Variants in NLRP5 observed in about 807,000 individuals in gnomAD.
NLRP5 encodes the protein NACHT, LRR and PYD domains-containing protein 5.
Under a neutral mutation model 113.1 loss-of-function variants are expected in NLRP5, and 93 were observed. That is an observed-to-expected ratio of 0.82 (90% CI 0.70 to 0.98). The LOEUF (loss-of-function observed/expected upper bound fraction) is 0.98, where lower values mean the gene tolerates loss of function less well. Ranked by LOEUF, NLRP5 falls within the 50% of genes least tolerant of loss-of-function variation. The pLI, the probability that NLRP5 is intolerant of heterozygous loss-of-function variation, is 0.00. For missense variants in NLRP5, 1,808 were observed against 1,514.3 expected (o/e 1.19, Z -3.22); for synonymous variants, 751 against 600.7 (o/e 1.25, Z -3.66).
At chr19:56,042,797 T>C (rs1358133046) in intron 11 of NLRP5, among the ~76,000 whole-genome samples, 1 of 152,240 alleles carries the variant, frequency 6.6e-6, no homozygotes. Flanking sequence ...ATCATTCTTA[T>C]GCCTTTGTGT....
rs1480064197 is a variant in NLRP5 at position 56,048,976 on chromosome 19, T to TAA, written c.2958-1442_2958-1441insAA. On this transcript the variant is annotated intron_variant, in intron 11 of 14. Coordinates refer to ENST00000390649, the MANE Select transcript of NLRP5 (RefSeq NM_153447.4). Reference sequence around the variant, plus strand: ...TGACTTCAAGCTCTGATTTTTTTTTTTAATTTTTTTTTTTTTTTTTTTTGA... The same window carrying TAA: ...TGACTTCAAGCTCTGATTTTTTTTTTAATAATTTTTTTTTTTTTTTTTTTTGA... Among the ~76,000 whole-genome samples, 100 of 67,930 alleles carry TAA rather than the reference T, an allele frequency of 1.5e-3. 1 individual carries two copies. The highest frequency in any genetic ancestry group is 3.1e-3 in the East Asian group (10 of 3,266). The allele number at this position is 67,930 out of a possible 152,430, so 44.6% of individuals were successfully genotyped here.
chr19:56,043,200 T>G (rs935863764), intron 11 of NLRP5, among the ~76,000 whole-genome samples: 3 of 152,232 alleles, frequency 2.0e-5, no homozygotes, highest in African/African-American at 7.2e-5. Flanking sequence ...CCATAGCGGC[T>G]GTACTAGTTT....
intron 7 of NLRP5, among the ~76,000 whole-genome samples, chr19:56,031,596 A>C (rs1233024331): frequency 1.4e-5 from 2 of 144,182 alleles, no homozygotes; most frequent in African/African-American, 2.6e-5. Flanking sequence ...ATGCCACTGC[A>C]CTCCAGCCTG....
chr19:56,007,727 C>A (rs1981978379), intron 2 of NLRP5, among the ~76,000 whole-genome samples: 1 of 147,284 alleles, frequency 6.8e-6, no homozygotes, highest in Non-Finnish European at 1.5e-5. Flanking sequence ...TTGAGTGACC[C>A]AGAGGGGATT....
intron 3 of NLRP5, among the ~76,000 whole-genome samples, chr19:56,012,348 C>G (rs1982227348): frequency 6.6e-6 from 1 of 151,878 alleles, no homozygotes. Context: ...TGGGGTTTCA[C>G]CATGTTGGCC....
At position 56,032,714 on chromosome 19, in the gene NLRP5, A is replaced by G; in HGVS notation, c.2380A>G (p.Thr794Ala). The stretch of plus-strand genomic sequence containing the variant: ...GCTGGACCTGGGCAGCAGCATCCTG[A>G]CAGAGCGGGCCATGAAGACCCTGTG... The change falls in exon 8 of 15, where the codon ACA (threonine) becomes GCA (alanine). Residue 794 changes from threonine (T) to alanine (A), a missense_variant. Physicochemically the swap from Thr to Ala is moderately conservative, Grantham distance 58 (BLOSUM62 0). Transcript: ENST00000390649. 6.2e-7 allele frequency: 1 copy of G among 1,613,510 alleles called. No homozygotes were observed. The highest frequency in any genetic ancestry group is 8.5e-7 in the Non-Finnish European group (1 of 1,179,806).
chr19:56,035,522 A>G (rs1414249004), intron 9 of NLRP5, among the ~76,000 whole-genome samples: 6 of 152,254 alleles, frequency 3.9e-5, no homozygotes, highest in Admixed American at 3.3e-4. Flanking sequence ...GATTCAAAGA[A>G]TAAATAAGAT....
At chr19:56,022,821 T>A (rs1982668022) in intron 6 of NLRP5, among the ~76,000 whole-genome samples, 2 of 151,978 alleles carry the variant, frequency 1.3e-5, no homozygotes, top group Non-Finnish European at 2.9e-5. Flanking sequence ...GCCTCCCAGG[T>A]TCAAGCGATG....
intron 11 of NLRP5, 127 bp from the exon 12 acceptor site, chr19:56,050,291 A>AG: frequency 1.1e-6 from 1 of 872,988 alleles, no homozygotes; most frequent in South Asian, 1.9e-5. Context: ...AAAAAAAAGA[A>AG]AAAAAAACAA....
At chr19:55,990,063 CTT>C in the NLRP5 span, among the ~76,000 whole-genome samples, 2 of 97,488 alleles carry the variant, frequency 2.1e-5, no homozygotes, top group African/African-American at 3.6e-5. Flanking sequence ...CATGCCGTTT[CTT>C]TTTTTTCTTT....
intron 13 of NLRP5, among the ~76,000 whole-genome samples, chr19:56,055,599 G>A (rs1213042743): frequency 1.6e-5 from 2 of 127,464 alleles, no homozygotes; most frequent in Middle Eastern, 6.2e-3. Context: ...AGGCTGGAGT[G>A]CAGTGGCGCG....
intron 1 of NLRP5, chr19:55,999,883 T>A (rs916495128): frequency 5.7e-6 from 5 of 873,626 alleles, no homozygotes; most frequent in Non-Finnish European, 7.8e-6. Flanking sequence ...TGCTGTCTGC[T>A]GCAATGTTAT....
At chr19:56,056,657 C>CT (rs1268832956) in intron 13 of NLRP5, among the ~76,000 whole-genome samples, 1 of 152,234 alleles carries the variant, frequency 6.6e-6, no homozygotes, top group African/African-American at 2.4e-5. Context: ...TGTGCAGCAC[C>CT]TTATACCATC....
At chr19:56,006,906 A>AT (rs1354169890) in intron 2 of NLRP5, among the ~76,000 whole-genome samples, 4 of 150,906 alleles carry the variant, frequency 2.7e-5, no homozygotes, top group African/African-American at 4.9e-5. Flanking sequence ...CTCCTGGCTA[A>AT]TTTTTTGTAT....
intron 1 of NLRP5, among the ~76,000 whole-genome samples, chr19:56,001,420 T>C (rs977271198): frequency 1.3e-5 from 2 of 151,640 alleles, no homozygotes; most frequent in Non-Finnish European, 2.9e-5. Flanking sequence ...TACCCTCCTT[T>C]AAATATTTTC....
At chr19:56,043,708 G>A (rs1476452965) in intron 11 of NLRP5, among the ~76,000 whole-genome samples, 1 of 151,364 alleles carries the variant, frequency 6.6e-6, no homozygotes, top group Non-Finnish European at 1.5e-5. Flanking sequence ...TGGTAGCTGG[G>A]ACTACAGGCG....
Position 56,028,498 on chromosome 19 carries a change from GGT to G in NLRP5, c.2266_2267del (p.Val756ProfsTer7). 6.2e-7 allele frequency: 1 copy of G among 1,613,242 alleles called. No homozygotes were observed. The highest frequency in any genetic ancestry group is 8.5e-7 in the Non-Finnish European group (1 of 1,179,740). ...ATGAGTCCGCTGAGGCATGTCCTGT[GGT>G]CCCTCTATGGTGAGTACCCCAGGCA... is the stretch of plus-strand genomic sequence containing the variant. On this transcript the variant is annotated frameshift_variant, in exon 7 of 15. Transcript: ENST00000390649. LOFTEE classifies it high-confidence loss of function.
At chr19:56,008,884 T>C in intron 3 of NLRP5, 31 bp downstream of exon 3, 3 of 1,596,148 alleles carry the variant, frequency 1.9e-6, no homozygotes, top group Non-Finnish European at 2.6e-6. Flanking sequence ...GGAAATAGGA[T>C]GTGCTTAAAG....
chr19:56,028,498 G>T lies in NLRP5; in HGVS notation c.2265G>T (p.Val755=). The stretch of plus-strand genomic sequence containing the variant: ...ATGAGTCCGCTGAGGCATGTCCTGT[G>T]GTCCCTCTATGGTGAGTACCCCAGG... Residue 755 remains valine (V), a synonymous_variant, in exon 7 of 15, where the codon GTG becomes GTT. Coordinates refer to ENST00000390649, the MANE Select transcript of NLRP5 (RefSeq NM_153447.4). 1 of 1,613,242 alleles carries T rather than the reference G, an allele frequency of 6.2e-7. No homozygotes were observed. Among genetic ancestry groups the T allele is most frequent in the South Asian group, 1.1e-5 (1 of 91,042 alleles).
Sources: gnomAD v4.1 joint callset for allele counts (sites outside exome capture counted in the v4.1 genomes callset) on GRCh38, gnomAD v4.1.1 for gene constraint, MANE v1.5 for transcripts, NCBI Gene and HGNC (gene_info 2026-07-23, HGNC 2026-07-21) for gene names.